The following PARN variants were observed in gnomAD, a reference collection of about 807,000 sequenced individuals.
PARN encodes poly(A)-specific ribonuclease PARN.
In PARN, 71 loss-of-function variants were observed where a neutral mutation model predicts 102.8. The ratio of observed to expected loss-of-function variants is 0.69; its 90% CI spans 0.57 to 0.84. PARN has a LOEUF of 0.84. Ranked by LOEUF, PARN falls within the 40% of genes least tolerant of loss-of-function variation. PARN has a pLI of 0.00. For synonymous variants in PARN, 261 were observed against 252.9 expected, an observed-to-expected ratio of 1.03 and a Z score of -0.30; for missense variants, 782 against 760.9, an observed-to-expected ratio of 1.03 and a Z score of -0.33.
intron 5 of PARN, among the ~76,000 whole-genome samples, chr16:14,621,246 C>T (rs1378381818): frequency 2.6e-5 from 4 of 152,172 alleles, no homozygotes; most frequent in Non-Finnish European, 5.9e-5. Context: ...CCTAAACATT[C>T]CATCTCTGAC....
At chr16:14,508,617 C>A (rs1166510351) in intron 21 of PARN, among the ~76,000 whole-genome samples, 1 of 150,848 alleles carries the variant, frequency 6.6e-6, no homozygotes, top group Non-Finnish European at 1.5e-5. Flanking sequence ...TTAAGGCTAA[C>A]AGATATATCA....
chr16:14,446,711 C>T (rs556201270), intron 23 of PARN, among the ~76,000 whole-genome samples, 177 bp downstream of exon 23: 50 of 152,228 alleles, frequency 3.3e-4, no homozygotes, highest in African/African-American at 1.2e-3. Context: ...CGAGCCAGAG[C>T]TTTTTAGGAT....
chr16:14,594,306 G>T (rs1336475742), intron 12 of PARN, among the ~76,000 whole-genome samples: 1 of 152,182 alleles, frequency 6.6e-6, no homozygotes, highest in Non-Finnish European at 1.5e-5. Flanking sequence ...GCAATGGGCG[G>T]TGTGTCTGTC....
intron 18 of PARN, among the ~76,000 whole-genome samples, chr16:14,570,706 C>T (rs886416255): frequency 1.1e-4 from 16 of 148,306 alleles, no homozygotes; most frequent in Non-Finnish European, 1.8e-4. Context: ...GGCTGGGCAC[C>T]GTGGCTCATG....
chr16:14,436,725 T>C lies in PARN; in HGVS notation c.1912A>G (p.Thr638Ala), dbSNP rs1960717160. The change falls in exon 24 of 24, where the codon ACA becomes GCA. Residue 638 changes from threonine (T) to alanine (A), a missense_variant. Transcript: ENST00000437198. ...SPATLFEVPD[T>A]W ...CTGCCCTCAGGTCTTGGTTACCATGTGTCAGGAACTTCAAAGAGTGTGGCA... is the reference window on the plus strand; with the variant it reads ...CTGCCCTCAGGTCTTGGTTACCATGCGTCAGGAACTTCAAAGAGTGTGGCA... The C allele has an allele frequency of 6.2e-7, 1 of 1,600,950 alleles. No individual in the cohort carries two copies. Among genetic ancestry groups the C allele is most frequent in the South Asian group, 1.1e-5 (1 of 88,172 alleles).
chr16:14,558,520 G>GT (rs1567383804), intron 18 of PARN: 1 of 151,760 alleles, frequency 6.6e-6, no homozygotes, highest in African/African-American at 2.4e-5. Flanking sequence ...TTAATGAAAC[G>GT]TATCAAGCAC....
At chr16:14,451,486 G>A (rs916057501) in intron 22 of PARN, among the ~76,000 whole-genome samples, 1 of 152,018 alleles carries the variant, frequency 6.6e-6, no homozygotes, top group Admixed American at 6.6e-5. Context: ...CCAACAACAC[G>A]GATGAATCTC....
At chr16:14,628,100 A>C in intron 3 of PARN, 72 bp downstream of exon 3, 1 of 906,704 alleles carries the variant, frequency 1.1e-6, no homozygotes, top group South Asian at 1.4e-5. Context: ...CAAGTTTAGT[A>C]ACAATATTTA....
At chr16:14,566,515 T>C (rs72481086) in intron 18 of PARN, among the ~76,000 whole-genome samples, 12,924 of 152,210 alleles carry the variant, frequency 0.085, 870 homozygotes, top group South Asian at 0.31. Flanking sequence ...TCCAGAACCA[T>C]GAGAGATGTA....
At chr16:14,470,974 G>A (rs765380268) in intron 22 of PARN, among the ~76,000 whole-genome samples, 3 of 151,876 alleles carry the variant, frequency 2.0e-5, no homozygotes, top group Non-Finnish European at 4.4e-5. Flanking sequence ...TGTTAGAGAT[G>A]GGATCTTGCT....
chr16:14,586,462 G>A, intron 13 of PARN, 101 bp from the exon 14 acceptor site: 1 of 702,156 alleles, frequency 1.4e-6, no homozygotes. Context: ...TCTCAAACAA[G>A]CTGTTGGGGC....
chr16:14,523,944 T>G lies in PARN; in HGVS notation c.1480+28077A>C, dbSNP rs150147757. ...GCTATACAGTATAGCCTATTGATCCTAGGCTACAAACCTGCACAGCATGGT... is the reference window on the plus strand; with the variant it reads ...GCTATACAGTATAGCCTATTGATCCGAGGCTACAAACCTGCACAGCATGGT... On this transcript the variant is annotated intron_variant, in intron 21 of 23. Transcript: ENST00000437198. Among the ~76,000 whole-genome samples the G allele has an allele frequency of 2.4e-3, 360 of 152,100 alleles. 1 individual carries two copies. Among genetic ancestry groups the G allele is most frequent in the African/African-American group, 8.4e-3 (347 of 41,506 alleles).
chr16:14,505,950 A>G (rs932915601), intron 21 of PARN, among the ~76,000 whole-genome samples: 6 of 152,336 alleles, frequency 3.9e-5, no homozygotes, highest in African/African-American at 1.4e-4. Context: ...TCAAAGTATT[A>G]CTCACAGAGT....
At chr16:14,482,914 G>C in intron 21 of PARN, 87 bp from the exon 22 acceptor site, 1 of 1,150,336 alleles carries the variant, frequency 8.7e-7, no homozygotes. Context: ...GCCTAAGGTG[G>C]TCAAAGGAGC....
chr16:14,624,776 G>A (rs1972537969), intron 5 of PARN, among the ~76,000 whole-genome samples: 1 of 151,828 alleles, frequency 6.6e-6, no homozygotes, highest in Non-Finnish European at 1.5e-5. Context: ...AAATTAGCCG[G>A]TGTGGTGGTG....
intron 13 of PARN, 126 bp downstream of exon 13, chr16:14,593,175 G>T (rs957627745): frequency 1.5e-5 from 9 of 589,932 alleles, no homozygotes; most frequent in Admixed American, 3.1e-5. Context: ...ATTCTCTCTG[G>T]GAACATGCTG....
chr16:14,508,169 T>TAGGCAGGCAGGCAGGC (rs141732478), intron 21 of PARN, among the ~76,000 whole-genome samples: 1 of 151,796 alleles, frequency 6.6e-6, no homozygotes, highest in African/African-American at 2.4e-5. Context: ...ACAAATAACA[T>TAGGCAGGCAGGCAGGC]AGGCAGGCAG....
At chr16:14,489,943 C>T (rs1286872248) in intron 21 of PARN, among the ~76,000 whole-genome samples, 1 of 152,200 alleles carries the variant, frequency 6.6e-6, no homozygotes, top group Non-Finnish European at 1.5e-5. Context: ...CCAAGGCTGG[C>T]GGATCACTTG....
At chr16:14,597,804 A>G (rs1409389788) in intron 12 of PARN, among the ~76,000 whole-genome samples, 2 of 152,190 alleles carry the variant, frequency 1.3e-5, no homozygotes, top group East Asian at 3.8e-4. Flanking sequence ...ACAAATTCCA[A>G]CTGGCGGACT....
Sources: allele counts gnomAD v4.1 joint callset (sites outside exome capture counted in the v4.1 genomes callset), GRCh38; gene constraint gnomAD v4.1.1; transcripts MANE v1.5; gene names NCBI Gene and HGNC (gene_info 2026-07-23, HGNC 2026-07-21).